Variants in ZNF274 observed in about 807,000 individuals in gnomAD.
ZNF274 encodes zinc finger protein 274, also known as neurotrophin receptor-interacting factor homolog.
In ZNF274, 23 loss-of-function variants were observed where a neutral mutation model predicts 42.5. The ratio of observed to expected loss-of-function variants is 0.54; its 90% confidence interval spans 0.39 to 0.77. The LOEUF (loss-of-function observed/expected upper bound fraction) is 0.77. ZNF274 is among the 30% of genes least tolerant of loss of function. ZNF274 has a pLI of 0.00. For synonymous variants in ZNF274, 292 were observed against 305.4 expected, an observed-to-expected ratio of 0.96 and a Z score of 0.46; for missense variants, 679 against 806.5, an observed-to-expected ratio of 0.84 and a Z score of 1.91.
chr19:58,188,724 A>ATATATATAT (rs2075743381), intron 4 of ZNF274, among the ~76,000 whole-genome samples: 2 of 128,650 alleles, frequency 1.6e-5, no homozygotes, highest in African/African-American at 2.9e-5. Flanking sequence ...ATATATATAT[A>ATATATATAT]AATCTTTAAA....
intron 4 of ZNF274, among the ~76,000 whole-genome samples, chr19:58,188,129 C>T (rs1204341632): frequency 6.6e-6 from 1 of 151,682 alleles, no homozygotes; most frequent in Non-Finnish European, 1.5e-5. Flanking sequence ...TTTTTTTTTG[C>T]ACGAACAAGT....
At chr19:58,204,891 TAGAG>T (rs1401632070) in intron 4 of ZNF274, among the ~76,000 whole-genome samples, 2 of 151,998 alleles carry the variant, frequency 1.3e-5, no homozygotes, top group African/African-American at 2.4e-5. Context: ...TTGTGTTCTG[TAGAG>T]AGAGTCAAAG....
At chr19:58,203,597 GA>G (rs1169436214) in intron 4 of ZNF274, among the ~76,000 whole-genome samples, 2 of 143,412 alleles carry the variant, frequency 1.4e-5, no homozygotes, top group Non-Finnish European at 3.1e-5. Flanking sequence ...AAAAAAAAAA[GA>G]AAAAAACGCT....
intron 4 of ZNF274, among the ~76,000 whole-genome samples, chr19:58,200,343 C>T (rs963268710): frequency 6.6e-6 from 1 of 152,140 alleles, no homozygotes; most frequent in Admixed American, 6.5e-5. Flanking sequence ...TAGAACATCT[C>T]ATTTATAGAA....
rs368539115 is a variant in ZNF274, at chr19:58,212,633, T to C, written c.1452T>C (p.Cys484=). The C allele has an allele frequency of 9.9e-6, 16 of 1,613,916 alleles. No homozygotes were observed. The highest frequency in any genetic ancestry group is 4.2e-6 in the Non-Finnish European group (5 of 1,179,902). Residue 484 remains cysteine (C), a synonymous_variant, in exon 8 of 8, where the codon TGT becomes TGC. Coordinates refer to ENST00000617501, the MANE Select transcript of ZNF274 (RefSeq NM_133502.3). The surrounding 1 kb of genome is among the most constrained non-coding windows in gnomAD (Gnocchi z 4.6). ...AAAAGGCCAAGGAAGGCAATGGTTGTAGGAAAACCTTCAGTCGGAGTACTA... is the reference window on the plus strand; with the variant it reads ...AAAAGGCCAAGGAAGGCAATGGTTGCAGGAAAACCTTCAGTCGGAGTACTA... The part of the protein sequence containing the change: ...ERQKAKEGNG[C]RKTFSRSTKQ...
At position 58,208,834 on chromosome 19, in the gene ZNF274, A is replaced by AT. The variant is rs142306251; in HGVS notation, c.740-1127_740-1126insT. On this transcript the variant is annotated intron_variant, in intron 5 of 7. Coordinates refer to ENST00000617501, the MANE Select transcript of ZNF274 (RefSeq NM_133502.3). This position sits in a 1 kb window ranked among gnomAD's most constrained non-coding sequence, Gnocchi z 4.5. ...CTAGTTAGTTAGGTGCCAAGGAGAC[A>AT]GTTGTGGGGTTAATGAGGTGAAAGT... 2 of 152,048 alleles carry AT rather than the reference A, an allele frequency of 1.3e-5. No individual in the cohort carries two copies. Among genetic ancestry groups the AT allele is most frequent in the Non-Finnish European group, 2.9e-5 (2 of 67,914 alleles). The allele number at this position is 152,048 out of a possible 1,614,324, so 9.4% of individuals were successfully genotyped here. A position where few individuals can be genotyped will look rare whatever the true frequency, so the allele number is the denominator to read the frequency against.
intron 4 of ZNF274, among the ~76,000 whole-genome samples, chr19:58,195,719 G>A (rs1316138815): frequency 1.3e-5 from 2 of 152,150 alleles, no homozygotes; most frequent in Admixed American, 6.5e-5. Context: ...GTGGACCTTG[G>A]GGTGGGGAGG....
chr19:58,188,708 A>G (rs1396756935), intron 4 of ZNF274, among the ~76,000 whole-genome samples: 12 of 121,598 alleles, frequency 9.9e-5, no homozygotes, highest in Admixed American at 5.3e-4. Context: ...ATATATATAT[A>G]TATATATATA....
intron 4 of ZNF274, among the ~76,000 whole-genome samples, chr19:58,187,598 T>C (rs2075715587): frequency 6.6e-6 from 1 of 152,166 alleles, no homozygotes; most frequent in African/African-American, 2.4e-5. Context: ...ATTGTTTTTT[T>C]GTAGAGACAG....
At position 58,212,226 on chromosome 19, in the gene ZNF274, G is replaced by GC; in HGVS notation, c.1050dup (p.Ser351GlnfsTer51). 6.2e-7 allele frequency: 1 copy of GC among 1,613,246 alleles called. No homozygotes were observed. The highest frequency in any genetic ancestry group is 8.5e-7 in the Non-Finnish European group (1 of 1,179,846). The stretch of plus-strand genomic sequence containing the variant: ...TTCTGACATTCCTGAGGAAGAACCA[G>GC]CCCCCAGCCTGAAAGTACAAGAATC... On this transcript the variant is annotated frameshift_variant, in exon 8 of 8. Transcript: ENST00000617501. LOFTEE classifies it low-confidence loss of function (END_TRUNC). This position sits in a 1 kb window ranked among gnomAD's most constrained non-coding sequence, Gnocchi z 4.6.
Position 58,207,633 on chromosome 19 carries a change from G to A in ZNF274, c.739+431G>A, listed in dbSNP as rs763983098. Among the ~76,000 whole-genome samples, 33 of 152,188 alleles carry A rather than the reference G, an allele frequency of 2.2e-4. No homozygotes were observed. Among genetic ancestry groups the A allele is most frequent in the Non-Finnish European group, 4.3e-4 (29 of 68,036 alleles). ...TGAAGGTCTGCAGCTGACACCTGGTGTGGAGTGGAACTTGGCCAGGGTAAA... is the reference window on the plus strand; with the variant it reads ...TGAAGGTCTGCAGCTGACACCTGGTATGGAGTGGAACTTGGCCAGGGTAAA... On this transcript the variant is annotated intron_variant, in intron 5 of 7. Coordinates refer to ENST00000617501, the MANE Select transcript of ZNF274 (RefSeq NM_133502.3). The surrounding 1 kb of genome is among the most constrained non-coding windows in gnomAD (Gnocchi z 5.6).
At chr19:58,186,262 C>G (rs2075697601) in intron 3 of ZNF274, 1 of 151,904 alleles carries the variant, frequency 6.6e-6, no homozygotes, top group African/African-American at 2.4e-5. Flanking sequence ...CATCAAAGAG[C>G]CTGTCCCTGC....
At chr19:58,202,184 T>C (rs1015224987) in intron 4 of ZNF274, 1 of 152,260 alleles carries the variant, frequency 6.6e-6, no homozygotes, top group Admixed American at 6.5e-5. Flanking sequence ...AAAAAGATCA[T>C]TGCTTTTCGT....
intron 4 of ZNF274, among the ~76,000 whole-genome samples, chr19:58,200,731 G>A (rs1375137565): frequency 6.6e-6 from 1 of 152,188 alleles, no homozygotes; most frequent in African/African-American, 2.4e-5. Flanking sequence ...TCAAGGACAT[G>A]AAATAACAGG....
intron 3 of ZNF274, among the ~76,000 whole-genome samples, chr19:58,186,596 C>G (rs1263218697): frequency 6.6e-6 from 1 of 150,818 alleles, no homozygotes; most frequent in Non-Finnish European, 1.5e-5. Flanking sequence ...TTTCCATGTT[C>G]CCCCTAGTCA....
chr19:58,197,897 A>G (rs1179130196), intron 4 of ZNF274, among the ~76,000 whole-genome samples: 2 of 152,190 alleles, frequency 1.3e-5, no homozygotes, highest in African/African-American at 2.4e-5. Flanking sequence ...CACCTCCCAC[A>G]TATCTGATCT....
intron 4 of ZNF274, among the ~76,000 whole-genome samples, chr19:58,189,202 T>C (rs1031995550): frequency 3.3e-5 from 5 of 152,218 alleles, no homozygotes; most frequent in Non-Finnish European, 5.9e-5. Context: ...ATATATTGTC[T>C]ACCTTTATGT....
intron 4 of ZNF274, among the ~76,000 whole-genome samples, chr19:58,202,746 T>C (rs893754808): frequency 2.0e-5 from 3 of 152,146 alleles, no homozygotes; most frequent in African/African-American, 7.2e-5. Flanking sequence ...TAGACAGTGG[T>C]AAGGATTGCC....
At chr19:58,186,732 TTG>T (rs1191346213) in intron 3 of ZNF274, among the ~76,000 whole-genome samples, 5 of 152,136 alleles carry the variant, frequency 3.3e-5, no homozygotes, top group African/African-American at 1.2e-4. Context: ...CGATCTCCCT[TTG>T]TGTCTGGCTG....
Sources: allele counts gnomAD v4.1 joint callset (sites outside exome capture counted in the v4.1 genomes callset), GRCh38; gene constraint gnomAD v4.1.1; non-coding constraint Gnocchi (gnomAD v3.1); transcripts MANE v1.5; gene names NCBI Gene and HGNC (gene_info 2026-07-23, HGNC 2026-07-21).